Variants in DDX39A observed in about 807,000 individuals in gnomAD.
The protein encoded by DDX39A is DExD-box helicase 39A.
Under a neutral mutation model 46.3 loss-of-function variants are expected in DDX39A, and 13 were observed. The ratio of observed to expected loss-of-function variants is 0.28; its 90% confidence interval spans 0.18 to 0.45. The LOEUF is 0.45. DDX39A is among the 20% of genes least tolerant of loss of function. The pLI is 1.00. For synonymous variants in DDX39A, 234 were observed against 224.6 expected, an observed-to-expected ratio of 1.04 and a Z score of -0.38; for missense variants, 352 against 581.8, an observed-to-expected ratio of 0.61 and a Z score of 4.06.
In DDX39A at chr19:14,411,405, G is replaced by T; in HGVS notation, c.429+101C>A. The T allele has an allele frequency of 8.1e-7, 1 of 1,229,094 alleles. No homozygotes were observed. The allele number at this position is 1,229,094 out of a possible 1,614,324, so 76.1% of individuals were successfully genotyped here. A position where few individuals can be genotyped will look rare whatever the true frequency, so the allele number is the denominator to read the frequency against. Reference sequence around the variant, plus strand: ...ACCACCGCAAACCTCAAAGGCAGCTGCCCCTGCCAAGCTTGGTAAATGCTG... The same window carrying T: ...ACCACCGCAAACCTCAAAGGCAGCTTCCCCTGCCAAGCTTGGTAAATGCTG... On this transcript the variant is annotated intron_variant, in intron 4 of 10. Coordinates refer to ENST00000242776, the MANE Select transcript of DDX39A (RefSeq NM_005804.4). This position sits in a 1 kb window ranked among gnomAD's most constrained non-coding sequence, Gnocchi z 4.1.
chr19:14,418,488 C>T (rs1000244471), intron 1 of DDX39A, among the ~76,000 whole-genome samples: 4 of 152,076 alleles, frequency 2.6e-5, no homozygotes, highest in African/African-American at 9.7e-5. Context: ...GGCAGAATCT[C>T]GCTCTGTCAC....
Position 14,410,261 on chromosome 19 carries a change from G to A in DDX39A, c.687C>T (p.Thr229=), listed in dbSNP as rs1976520266. 1 of 1,614,148 alleles carries A rather than the reference G, an allele frequency of 6.2e-7. No individual in the cohort carries two copies. The highest frequency in any genetic ancestry group is 1.7e-5 in the Admixed American group (1 of 60,016). Residue 229 remains threonine, a synonymous_variant, in exon 6 of 11, where the codon ACC becomes ACT. Coordinates refer to ENST00000242776, the MANE Select transcript of DDX39A (RefSeq NM_005804.4). This position sits in a 1 kb window ranked among gnomAD's most constrained non-coding sequence, Gnocchi z 4.3. ...HEKQCMMFSA[T]LSKDIRPVCR... Reference sequence around the variant, plus strand: ...ACACAGGCCGGATGTCCTTGCTCAGGGTGGCGCTGAACATCATGCACTGCT... The same window carrying A: ...ACACAGGCCGGATGTCCTTGCTCAGAGTGGCGCTGAACATCATGCACTGCT...
intron 1 of DDX39A, among the ~76,000 whole-genome samples, chr19:14,418,317 T>C (rs1976902803): frequency 6.6e-6 from 1 of 152,082 alleles, no homozygotes; most frequent in Non-Finnish European, 1.5e-5. Flanking sequence ...CAGGAGCGCA[T>C]GAACTTGAAA....
chr19:14,418,586 T>G (rs1021930857), intron 1 of DDX39A, among the ~76,000 whole-genome samples: 3 of 151,802 alleles, frequency 2.0e-5, no homozygotes, highest in Admixed American at 1.3e-4. Flanking sequence ...GCCTCCCGAG[T>G]AGCTGGGACC....
chr19:14,416,695 T>G (rs886064204), intron 1 of DDX39A, among the ~76,000 whole-genome samples: 3 of 152,124 alleles, frequency 2.0e-5, no homozygotes, highest in Non-Finnish European at 4.4e-5. Flanking sequence ...TGTTTGTTTT[T>G]TTGTTTTTTG....
Position 14,410,902 on chromosome 19 carries a change from A to G in DDX39A, c.613+87T>C. 7.7e-7 allele frequency: 1 copy of G among 1,300,072 alleles called. No homozygotes were observed. Among genetic ancestry groups the G allele is most frequent in the Non-Finnish European group, 1.0e-6 (1 of 969,868 alleles). The allele number at this position is 1,300,072 out of a possible 1,614,324, so 80.5% of individuals were successfully genotyped here. A position where few individuals can be genotyped will look rare whatever the true frequency, so the allele number is the denominator to read the frequency against. On this transcript the variant is annotated intron_variant, in intron 5 of 10. Transcript: ENST00000242776. The surrounding 1 kb of genome is among the most constrained non-coding windows in gnomAD (Gnocchi z 4.3). ...CAGGAGCCCCGCCTGCCGGCCGCCC[A>G]TGTAACCCACTCAAGAGCCTTCCGC...
chr19:14,411,653 C>A lies in DDX39A; in HGVS notation c.337-55G>T. The stretch of plus-strand genomic sequence containing the variant: ...CCTTAGGCAGTGTCCTAAACCCCTT[C>A]CCCACCAGAGTCCACCCAACCCAGT... On this transcript the variant is annotated intron_variant, in intron 3 of 10. Coordinates refer to ENST00000242776, the MANE Select transcript of DDX39A (RefSeq NM_005804.4). The surrounding 1 kb of genome is among the most constrained non-coding windows in gnomAD (Gnocchi z 4.1). 6.6e-7 allele frequency: 1 copy of A among 1,520,710 alleles called. No homozygotes were observed. Among genetic ancestry groups the A allele is most frequent in the Non-Finnish European group, 9.1e-7 (1 of 1,101,096 alleles). The allele number at this position is 1,520,710 out of a possible 1,614,324, so 94.2% of individuals were successfully genotyped here.
chr19:14,419,114 C>T (rs976942882), intron 1 of DDX39A, 156 bp downstream of exon 1: 6 of 400,722 alleles, frequency 1.5e-5, no homozygotes, highest in African/African-American at 1.3e-4. Context: ...TGCCCAACGG[C>T]CAACACACAG....
chr19:14,414,437 C>T (rs1976724673), intron 1 of DDX39A, among the ~76,000 whole-genome samples: 1 of 149,646 alleles, frequency 6.7e-6, no homozygotes, highest in African/African-American at 2.4e-5. Context: ...ACTGCAACCT[C>T]CACCTCCAGG....
Position 14,411,863 on chromosome 19 carries a change from A to T in DDX39A, c.337-265T>A, listed in dbSNP as rs983447099. 2.0e-5 allele frequency among the ~76,000 whole-genome samples: 3 copies of T among 152,168 alleles called. No individual in the cohort carries two copies. Among genetic ancestry groups the T allele is most frequent in the African/African-American group, 7.2e-5 (3 of 41,440 alleles). ...GAACAGAAAATGGCCCGCATAATGT[A>T]ATGGTTAGACCTGGCCTGCCTGGGT... On this transcript the variant is annotated intron_variant, in intron 3 of 10. Transcript: ENST00000242776. This position sits in a 1 kb window ranked among gnomAD's most constrained non-coding sequence, Gnocchi z 4.1.
rs1976951278 is a variant in DDX39A, at chr19:14,419,261, G to GCTGCTCACCTGGCTCCC, written c.-13_-5+8dup. On this transcript the variant is annotated intron_variant, in intron 1 of 10. Transcript: ENST00000242776. The stretch of plus-strand genomic sequence containing the variant: ...CACCGCGGCCCCGCGCCCGGGATCC[G>GCTGCTCACCTGGCTCCC]CTGCTCACCTGGCTCCCCGTTCTTC... 1 of 276,478 alleles carries GCTGCTCACCTGGCTCCC rather than the reference G, an allele frequency of 3.6e-6. No homozygotes were observed. Among genetic ancestry groups the GCTGCTCACCTGGCTCCC allele is most frequent in the Non-Finnish European group, 7.2e-6 (1 of 138,502 alleles). The allele number at this position is 276,478 out of a possible 1,614,324, so 17.1% of individuals were successfully genotyped here.
chr19:14,413,250 C>A lies in DDX39A; in HGVS notation c.-4-26G>T, dbSNP rs536874648. 3 of 1,595,334 alleles carry A rather than the reference C, an allele frequency of 1.9e-6. No homozygotes were observed. The South Asian group carries it at 3.3e-5, about 18-fold the overall frequency. ...CTGAGAAGAGAGAGAGGCAGGGTCC[C>A]GCGAGTGGGCACAGAAGGATGATGA... On this transcript the variant is annotated intron_variant, in intron 1 of 10. Transcript: ENST00000242776.
At chr19:14,408,986 C>G in intron 10 of DDX39A, 34 bp from the exon 11 acceptor site, 1 of 1,611,898 alleles carries the variant, frequency 6.2e-7, no homozygotes, top group South Asian at 1.1e-5. Flanking sequence ...ACTGAAGGGC[C>G]GGGGGAGGAA....
At chr19:14,417,700 T>C (rs145500619) in intron 1 of DDX39A, among the ~76,000 whole-genome samples, 122 of 151,464 alleles carry the variant, frequency 8.1e-4, no homozygotes, top group African/African-American at 2.9e-3. Flanking sequence ...AAGTAGAAAT[T>C]AAAAAAAGAA....
chr19:14,418,200 CGAGAAACCGGGCTG>C (rs1365941613), intron 1 of DDX39A, among the ~76,000 whole-genome samples: 1 of 148,534 alleles, frequency 6.7e-6, no homozygotes, highest in Non-Finnish European at 1.5e-5. Flanking sequence ...ATAAAATTTT[CGAGAAACCGGGCTG>C]GACAGGATCT....
At position 14,409,098 on chromosome 19, in the gene DDX39A, G is replaced by A; in HGVS notation, c.1206C>T (p.Val402=). 6.2e-7 allele frequency: 1 copy of A among 1,614,226 alleles called. No individual in the cohort carries two copies. Among genetic ancestry groups the A allele is most frequent in the Non-Finnish European group, 8.5e-7 (1 of 1,180,042 alleles). Residue 402 remains valine (V), a synonymous_variant, in exon 10 of 11, where the codon GTC becomes GTT. Transcript: ENST00000242776. The surrounding 1 kb of genome is among the most constrained non-coding windows in gnomAD (Gnocchi z 8.3). ...CCACATTAACTTCAAACCGGTCCTG[G>A]ACGTCATTGAGGATTTTGGCATCAT... ...DENDAKILND[V]QDRFEVNVAE...
intron 1 of DDX39A, chr19:14,414,011 G>C (rs1204728832): frequency 1.3e-5 from 2 of 152,256 alleles, no homozygotes; most frequent in Admixed American, 6.5e-5. Context: ...TGCATACCAA[G>C]TGCCTGCTGG....
chr19:14,419,116 AACAC>A, intron 1 of DDX39A, 150 bp downstream of exon 1: 1 of 395,926 alleles, frequency 2.5e-6, no homozygotes, highest in East Asian at 7.6e-5. Flanking sequence ...CCCAACGGCC[AACAC>A]ACAGCGCTCT....
Position 14,411,100 on chromosome 19 carries a change from C to T in DDX39A, c.502G>A (p.Val168Met), listed in dbSNP as rs780927367. 17 of 1,612,258 alleles carry T rather than the reference C, an allele frequency of 1.1e-5. No homozygotes were observed. Among genetic ancestry groups the T allele is most frequent in the Admixed American group, 5.0e-5 (3 of 59,426 alleles). Residue 168 changes from valine (V) to methionine (M), a missense_variant, in exon 5 of 11, where the codon GTG (valine) becomes ATG (methionine). Around this residue, in one of 3 missense-constraint regions of DDX39A, gnomAD observed 301 missense variants for 469.9 expected, o/e 0.64. Coordinates refer to ENST00000242776, the MANE Select transcript of DDX39A (RefSeq NM_005804.4). The surrounding 1 kb of genome is among the most constrained non-coding windows in gnomAD (Gnocchi z 4.1). ...EVLKKNCPHV[V>M]VGTPGRILAL... ...AGGATGCGGCCCGGGGTCCCCACCA[C>T]GACATGGGGACAGTTCTTCTTCAAC...
Sources: allele counts gnomAD v4.1 joint callset (sites outside exome capture counted in the v4.1 genomes callset), GRCh38; gene constraint gnomAD v4.1.1; regional missense constraint gnomAD v4.1.1; non-coding constraint Gnocchi (gnomAD v3.1); transcripts MANE v1.5; gene names NCBI Gene and HGNC (gene_info 2026-07-23, HGNC 2026-07-21).